The following NELL2 variants were observed in gnomAD, a reference collection of about 807,000 sequenced individuals.
NELL2 encodes neural EGFL like 2.
NELL2 carries 41 observed loss-of-function variants against 109.6 expected under a neutral mutation model. The ratio of observed to expected loss-of-function variants is 0.37; its 90% confidence interval spans 0.29 to 0.49. The LOEUF (loss-of-function observed/expected upper bound fraction) is 0.49, where lower values mean the gene tolerates loss of function less well. NELL2 is among the 20% of genes least tolerant of loss of function. NELL2 has a pLI of 0.98. For missense variants in NELL2, 900 were observed against 1,008.3 expected, an observed-to-expected ratio of 0.89 and a Z score of 1.45; for synonymous variants, 355 against 344.7, an observed-to-expected ratio of 1.03 and a Z score of -0.33.
chr12:44,794,165 G>A (rs1942534618), intron 3 of NELL2, among the ~76,000 whole-genome samples: 1 of 152,126 alleles, frequency 6.6e-6, no homozygotes, highest in South Asian at 2.1e-4. Flanking sequence ...CCTAGTAATA[G>A]TAAGCTACTT....
chr12:44,877,339 T>A (rs182007666), upstream of NELL2, among the ~76,000 whole-genome samples: 189 of 152,346 alleles, frequency 1.2e-3, no homozygotes, highest in African/African-American at 4.5e-3. Flanking sequence ...CACATGTATG[T>A]TCAAGATCAA....
chr12:44,730,015 C>T (rs1368245973), intron 9 of NELL2, among the ~76,000 whole-genome samples: 3 of 151,954 alleles, frequency 2.0e-5, no homozygotes, highest in African/African-American at 4.8e-5. Context: ...ACAAAATGTA[C>T]TTTAAATTCA....
In NELL2 at chr12:44,587,158, C is replaced by T. The variant is rs568642446; in HGVS notation, c.1663+20011G>A. Reference sequence around the variant, plus strand: ...ATGGTGGCACACGCCTGTAGTCCCACCTACTCGGGAGGCTGAGGCAGGAGA... The same window carrying T: ...ATGGTGGCACACGCCTGTAGTCCCATCTACTCGGGAGGCTGAGGCAGGAGA... On this transcript the variant is annotated intron_variant, in intron 15 of 19. Coordinates refer to ENST00000429094, the MANE Select transcript of NELL2 (RefSeq NM_001145108.2). Among the ~76,000 whole-genome samples the T allele has an allele frequency of 1.1e-4, 17 of 150,412 alleles. No individual in the cohort carries two copies. The South Asian group carries it at 1.3e-3, about 11-fold the overall frequency.
In NELL2 at chr12:44,540,781, C is replaced by CAAAA. The variant is rs57205620; in HGVS notation, c.1664-8064_1664-8061dup. ...AGCTTACTAATGTAAGTCTGCAAGC[C>CAAAA]AAAAAAAAAAAAAAAAAGCCCATCC... is the stretch of plus-strand genomic sequence containing the variant. On this transcript the variant is annotated intron_variant, in intron 15 of 19. Transcript: ENST00000429094. Among the ~76,000 whole-genome samples, 18 of 49,748 alleles carry CAAAA rather than the reference C, an allele frequency of 3.6e-4. 2 individuals are homozygous for CAAAA. Among genetic ancestry groups the CAAAA allele is most frequent in the Middle Eastern group, 0.022 (1 of 46 alleles). 32.6% of individuals were successfully genotyped at this position (49,748 alleles called of 152,430 possible).
At chr12:44,724,963 C>T (rs1018922487) in intron 9 of NELL2, among the ~76,000 whole-genome samples, 3 of 151,996 alleles carry the variant, frequency 2.0e-5, no homozygotes, top group African/African-American at 7.3e-5. Context: ...AATAAGGCTG[C>T]ACATCTGCAA....
chr12:44,626,267 A>T (rs1187550845), intron 13 of NELL2, among the ~76,000 whole-genome samples: 1 of 152,160 alleles, frequency 6.6e-6, no homozygotes, highest in Non-Finnish European at 1.5e-5. Flanking sequence ...TGTGCCCTGC[A>T]ATGTAGTCAT....
chr12:44,829,411 C>T (rs1236364588), intron 2 of NELL2, among the ~76,000 whole-genome samples: 2 of 152,222 alleles, frequency 1.3e-5, no homozygotes, highest in East Asian at 3.9e-4. Flanking sequence ...AATGTTATAT[C>T]AAATTGAACC....
chr12:44,538,087 CAT>C (rs1942373013), intron 15 of NELL2, among the ~76,000 whole-genome samples: 4 of 152,246 alleles, frequency 2.6e-5, no homozygotes, highest in Admixed American at 6.5e-5. Context: ...TTACAAGAGT[CAT>C]ATGAAATATT....
intron 8 of NELL2, among the ~76,000 whole-genome samples, chr12:44,775,220 C>A (rs1941705889): frequency 6.6e-6 from 1 of 151,904 alleles, no homozygotes; most frequent in African/African-American, 2.4e-5. Flanking sequence ...CACGAACATG[C>A]ACGCACGCAC....
At position 44,876,310 on chromosome 12, in the gene NELL2, G is replaced by A. The variant is rs1384969752; in HGVS notation, c.-441C>T. The A allele has an allele frequency of 6.8e-6, 8 of 1,171,576 alleles. No individual in the cohort carries two copies. The highest frequency in any genetic ancestry group is 8.5e-6 in the Non-Finnish European group (8 of 945,846). The allele number at this position is 1,171,576 out of a possible 1,614,324, so 72.6% of individuals were successfully genotyped here. A position where few individuals can be genotyped will look rare whatever the true frequency, so the allele number is the denominator to read the frequency against. ...CGCCCGAACCTGTTGTAAAGGCAGAGACAATGGAGAAAGCTCCGGGAGACG... is the reference window on the plus strand; with the variant it reads ...CGCCCGAACCTGTTGTAAAGGCAGAAACAATGGAGAAAGCTCCGGGAGACG... On this transcript the variant is annotated 5_prime_UTR_variant, in exon 1 of 20. Coordinates refer to ENST00000429094, the MANE Select transcript of NELL2 (RefSeq NM_001145108.2).
chr12:44,707,875 A>G (rs1937972094), intron 11 of NELL2, among the ~76,000 whole-genome samples: 1 of 152,188 alleles, frequency 6.6e-6, no homozygotes, highest in Admixed American at 6.5e-5. Flanking sequence ...ATTGAATAAT[A>G]TGGGAAACTA....
chr12:44,803,883 T>C (rs2136658780), intron 3 of NELL2, among the ~76,000 whole-genome samples: 1 of 152,106 alleles, frequency 6.6e-6, no homozygotes, highest in East Asian at 1.9e-4. Flanking sequence ...TTTCAGATGT[T>C]ATATCAGCAA....
chr12:44,540,973 C>T (rs1030423275), intron 15 of NELL2, among the ~76,000 whole-genome samples: 16 of 151,698 alleles, frequency 1.1e-4, no homozygotes, highest in South Asian at 4.2e-4. Context: ...TGGCCGGGCG[C>T]GGTGGCTCAC....
intron 1 of NELL2, among the ~76,000 whole-genome samples, chr12:44,902,706 G>C (rs1945675321): frequency 6.6e-6 from 1 of 151,916 alleles, no homozygotes; most frequent in Non-Finnish European, 1.5e-5. Flanking sequence ...AAAACAGAGA[G>C]ATAGACCAAT....
At chr12:44,875,789 C>G in intron 1 of NELL2, 26 bp downstream of exon 1, 1 of 1,612,954 alleles carries the variant, frequency 6.2e-7, no homozygotes, top group Non-Finnish European at 8.5e-7. Context: ...ATCCCTTTCC[C>G]CAGCCCCAGC....
At chr12:44,873,617 T>C (rs1945226788) in intron 2 of NELL2, among the ~76,000 whole-genome samples, 1 of 152,088 alleles carries the variant, frequency 6.6e-6, no homozygotes, top group African/African-American at 2.4e-5. Context: ...ACCATTTGTT[T>C]ATTAGGAGCT....
intron 18 of NELL2, among the ~76,000 whole-genome samples, 193 bp downstream of exon 18, chr12:44,521,807 C>T (rs1941553624): frequency 6.6e-6 from 1 of 152,106 alleles, no homozygotes; most frequent in Non-Finnish European, 1.5e-5. Flanking sequence ...CCTTGTACCA[C>T]ATCTACCTCA....
chr12:44,523,298 G>T lies in NELL2; in HGVS notation c.1991C>A (p.Ser664Ter), dbSNP rs368334753. 6.2e-7 allele frequency: 1 copy of T among 1,614,094 alleles called. No homozygotes were observed. Among genetic ancestry groups the T allele is most frequent in the Non-Finnish European group, 8.5e-7 (1 of 1,179,984 alleles). The change falls in exon 17 of 20, where the codon TCA becomes TAA. Residue 664 changes from serine (S) to a stop codon, truncating the protein, a stop_gained. Coordinates refer to ENST00000429094, the MANE Select transcript of NELL2 (RefSeq NM_001145108.2). LOFTEE classifies it high-confidence loss of function. Reference protein sequence around the residue: ...VLENDRCSVCSCQNGFVMCRR... With the variant: ...VLENDRCSVC ...TTTTTCATTTATACCAACCTGACAT[G>T]AGCACACAGAGCACCTGTCATTTTC...
chr12:44,596,884 A>G (rs1199327978), intron 15 of NELL2, among the ~76,000 whole-genome samples: 1 of 152,196 alleles, frequency 6.6e-6, no homozygotes, highest in Admixed American at 6.5e-5. Flanking sequence ...ACTCTTAACC[A>G]TCATGCTGCA....
Sources: allele counts gnomAD v4.1 joint callset (sites outside exome capture counted in the v4.1 genomes callset), GRCh38; gene constraint gnomAD v4.1.1; transcripts MANE v1.5; gene names NCBI Gene and HGNC (gene_info 2026-07-23, HGNC 2026-07-21).